Variants in CSMD1 observed in about 807,000 individuals in gnomAD.
CSMD1 encodes CUB and sushi domain-containing protein 1.
In CSMD1, 213 loss-of-function variants were observed where a neutral mutation model predicts 417.5. The ratio of observed to expected loss-of-function variants is 0.51; its 90% confidence interval spans 0.46 to 0.57. CSMD1 has a LOEUF of 0.57. CSMD1 is among the 20% of genes least tolerant of loss of function. CSMD1 has a pLI of 0.00. For missense variants in CSMD1, 6,923 were observed against 4,529.7 expected (o/e 1.53, Z -15.17); for synonymous variants, 2,862 against 1,736.8 (o/e 1.65, Z -16.11).
At chr8:3,300,907 C>A (rs1024764882) in intron 25 of CSMD1, among the ~76,000 whole-genome samples, 1 of 122,180 alleles carries the variant, frequency 8.2e-6, no homozygotes, top group Non-Finnish European at 1.6e-5. Context: ...TGCAGTGAGC[C>A]AGGATTGCGC....
At chr8:3,462,904 C>T (rs868489632) in intron 12 of CSMD1, among the ~76,000 whole-genome samples, 5 of 152,126 alleles carry the variant, frequency 3.3e-5, no homozygotes, top group East Asian at 1.9e-4. Context: ...GCCTTTAGAG[C>T]GTGATGACAT....
At chr8:4,209,894 G>C (rs1405417217) in intron 3 of CSMD1, among the ~76,000 whole-genome samples, 1 of 152,200 alleles carries the variant, frequency 6.6e-6, no homozygotes, top group African/African-American at 2.4e-5. Context: ...CTTCTGTGTT[G>C]ACAGGTGGTC....
At chr8:3,840,464 A>G (rs1031518330) in intron 5 of CSMD1, among the ~76,000 whole-genome samples, 2 of 152,170 alleles carry the variant, frequency 1.3e-5, no homozygotes, top group Non-Finnish European at 2.9e-5. Context: ...TGCCCTGAAC[A>G]TAATAGGCAT....
At chr8:3,482,420 A>C (rs111950966) in intron 11 of CSMD1, among the ~76,000 whole-genome samples, 1 of 152,208 alleles carries the variant, frequency 6.6e-6, no homozygotes, top group Non-Finnish European at 1.5e-5. Flanking sequence ...AGTATCAGAG[A>C]CAAAGAGGGA....
chr8:4,422,476 G>C (rs1797303729), intron 2 of CSMD1, among the ~76,000 whole-genome samples: 1 of 152,204 alleles, frequency 6.6e-6, no homozygotes, highest in African/African-American at 2.4e-5. Flanking sequence ...AATAAGAAAA[G>C]AGAAGGATTC....
intron 12 of CSMD1, among the ~76,000 whole-genome samples, chr8:3,448,592 C>G (rs539117247): frequency 2.6e-5 from 4 of 151,946 alleles, no homozygotes; most frequent in Non-Finnish European, 4.4e-5. Flanking sequence ...TCCATGAGTA[C>G]TAATAAAAGG....
intron 2 of CSMD1, among the ~76,000 whole-genome samples, chr8:4,489,728 G>A (rs1216384437): frequency 6.6e-6 from 1 of 152,176 alleles, no homozygotes; most frequent in Non-Finnish European, 1.5e-5. Flanking sequence ...CACCCTGGCT[G>A]GCAGGGAAGA....
At chr8:4,220,599 T>C (rs897086412) in intron 3 of CSMD1, among the ~76,000 whole-genome samples, 2 of 152,078 alleles carry the variant, frequency 1.3e-5, no homozygotes, top group Non-Finnish European at 2.9e-5. Flanking sequence ...GTGATAAGGG[T>C]CCATGTGAGA....
At chr8:4,272,399 T>C (rs936529064) in intron 3 of CSMD1, among the ~76,000 whole-genome samples, 3 of 152,160 alleles carry the variant, frequency 2.0e-5, no homozygotes, top group East Asian at 3.9e-4. Context: ...CCAAGACCTA[T>C]AGACAATGAG....
At chr8:3,628,075 A>G (rs1384534745) in intron 7 of CSMD1, among the ~76,000 whole-genome samples, 1 of 152,164 alleles carries the variant, frequency 6.6e-6, no homozygotes, top group Non-Finnish European at 1.5e-5. Flanking sequence ...GTGTAATTCT[A>G]TTTTTTTAAA....
chr8:4,387,524 G>A (rs1055307730), intron 3 of CSMD1, among the ~76,000 whole-genome samples: 70 of 112,266 alleles, frequency 6.2e-4, no homozygotes, highest in African/African-American at 2.1e-3. Context: ...TTCTGTGGGA[G>A]CTTATCTTTT....
intron 3 of CSMD1, among the ~76,000 whole-genome samples, chr8:4,153,669 A>G (rs1214517011): frequency 6.6e-6 from 1 of 152,158 alleles, no homozygotes; most frequent in Non-Finnish European, 1.5e-5. Flanking sequence ...TCATAACGTC[A>G]CTGCCTGGAA....
chr8:4,381,057 T>C (rs557844156), intron 3 of CSMD1, among the ~76,000 whole-genome samples: 1 of 152,200 alleles, frequency 6.6e-6, no homozygotes. Flanking sequence ...GTGAGTATTG[T>C]GGGTTATATT....
At chr8:4,077,305 A>ATATATATATATATATATGGG (rs1799879877) in intron 3 of CSMD1, among the ~76,000 whole-genome samples, 3 of 130,360 alleles carry the variant, frequency 2.3e-5, no homozygotes, top group African/African-American at 8.4e-5. Context: ...GTGTATATAT[A>ATATATATATATATATATGGG]TATATATATA....
Position 3,439,503 on chromosome 8 carries a change from GTGTC to G in CSMD1, c.1561+29205_1561+29208del, listed in dbSNP as rs1432233382. 8.0e-3 allele frequency among the ~76,000 whole-genome samples: 1,193 copies of G among 149,372 alleles called. 27 individuals are homozygous for G. Among genetic ancestry groups the G allele is most frequent in the African/African-American group, 0.027 (1,119 of 40,736 alleles). ...ACTCTGTGTGTGTATCTGTGTGTGTGTGTCTGTGTGTGTGTGTGTAATTGTAGAG... is the reference window on the plus strand; with the variant it reads ...ACTCTGTGTGTGTATCTGTGTGTGTGTGTGTGTGTGTGTGTAATTGTAGAG... On this transcript the variant is annotated intron_variant, in intron 12 of 69. Transcript: ENST00000635120.
intron 3 of CSMD1, among the ~76,000 whole-genome samples, chr8:4,246,728 T>C (rs1802737160): frequency 6.6e-6 from 1 of 152,192 alleles, no homozygotes; most frequent in Non-Finnish European, 1.5e-5. Flanking sequence ...ATTGGAATAA[T>C]GATTGTATTT....
chr8:4,398,868 A>T (rs1228223403), intron 3 of CSMD1, among the ~76,000 whole-genome samples: 2 of 152,146 alleles, frequency 1.3e-5, no homozygotes, highest in East Asian at 1.9e-4. Context: ...TTAAACCATA[A>T]AATAACTGAC....
chr8:3,890,605 A>T (rs1390179115), intron 5 of CSMD1, among the ~76,000 whole-genome samples: 1 of 152,174 alleles, frequency 6.6e-6, no homozygotes, highest in African/African-American at 2.4e-5. Flanking sequence ...GAAATAAAGC[A>T]CGTGGCATAT....
chr8:4,540,610 G>A (rs534222308), intron 2 of CSMD1, among the ~76,000 whole-genome samples: 2 of 152,228 alleles, frequency 1.3e-5, no homozygotes, highest in African/African-American at 2.4e-5. Context: ...TAACAGAAGT[G>A]AAAATAAACC....
Sources: allele counts gnomAD v4.1 joint callset (sites outside exome capture counted in the v4.1 genomes callset), GRCh38; gene constraint gnomAD v4.1.1; transcripts MANE v1.5; gene names NCBI Gene and HGNC (gene_info 2026-07-23, HGNC 2026-07-21).